PPP1R16B: variants seen among roughly 807,000 people sequenced by gnomAD.
PPP1R16B encodes the protein protein phosphatase 1 regulatory inhibitor subunit 16B.
Under a neutral mutation model 61.7 loss-of-function variants are expected in PPP1R16B, and 14 were observed. That is an observed-to-expected ratio of 0.23 (90% CI 0.15 to 0.35). PPP1R16B has a LOEUF of 0.35. PPP1R16B is among the 10% of genes least tolerant of loss of function. The pLI, the probability that PPP1R16B is intolerant of heterozygous loss-of-function variation, is 1.00. For synonymous variants in PPP1R16B, 266 were observed against 305.3 expected (o/e 0.87, Z 1.34); for missense variants, 547 against 752.5 (o/e 0.73, Z 3.19).
chr20:38,875,728 A>G (rs1319065458), intron 2 of PPP1R16B, among the ~76,000 whole-genome samples: 1 of 151,616 alleles, frequency 6.6e-6, no homozygotes, highest in Non-Finnish European at 1.5e-5. Context: ...TTCAGAGGGG[A>G]GAGGTGGCTG....
intron 10 of PPP1R16B, among the ~76,000 whole-genome samples, chr20:38,908,543 G>A (rs922975411): frequency 3.9e-5 from 6 of 152,238 alleles, no homozygotes; most frequent in Non-Finnish European, 8.8e-5. Context: ...GAGAGCTTCA[G>A]TAGGGCAGTC....
chr20:38,856,052 G>T (rs1482968840), intron 2 of PPP1R16B, among the ~76,000 whole-genome samples: 1 of 149,470 alleles, frequency 6.7e-6, no homozygotes, highest in Non-Finnish European at 1.5e-5. Flanking sequence ...GTTCCAAACT[G>T]ATGTTAAATT....
chr20:38,918,098 G>A lies in PPP1R16B; in HGVS notation c.1195-59G>A. On this transcript the variant is annotated intron_variant, in intron 10 of 10. Coordinates refer to ENST00000299824, the MANE Select transcript of PPP1R16B (RefSeq NM_015568.4). The surrounding 1 kb of genome is among the most constrained non-coding windows in gnomAD (Gnocchi z 5.3). ...CAATAATGCCCTCAGCAGAGAGACA[G>A]GTGGATAGTAGGTTCAGATCTTCCA... 6 of 1,586,286 alleles carry A rather than the reference G, an allele frequency of 3.8e-6. No individual in the cohort carries two copies. The South Asian group carries it at 6.8e-5, about 18-fold the overall frequency.
chr20:38,893,382 T>C (rs2085305871), intron 3 of PPP1R16B, among the ~76,000 whole-genome samples: 1 of 152,150 alleles, frequency 6.6e-6, no homozygotes, highest in Admixed American at 6.5e-5. Flanking sequence ...CAGGGAGCCC[T>C]CAGAGGTTTG....
At chr20:38,871,685 G>A (rs2085131102) in intron 2 of PPP1R16B, among the ~76,000 whole-genome samples, 1 of 148,020 alleles carries the variant, frequency 6.8e-6, no homozygotes, top group Non-Finnish European at 1.5e-5. Context: ...AAGGAGGGAG[G>A]GAGGGAAAGA....
intron 10 of PPP1R16B, among the ~76,000 whole-genome samples, chr20:38,914,277 C>A (rs2085514953): frequency 6.6e-6 from 1 of 151,862 alleles, no homozygotes; most frequent in Non-Finnish European, 1.5e-5. Context: ...ATTTGGGGGA[C>A]TGTGTTTGGG....
intron 1 of PPP1R16B, among the ~76,000 whole-genome samples, chr20:38,818,772 T>TC (rs1267082003): frequency 3.3e-5 from 5 of 151,150 alleles, no homozygotes; most frequent in African/African-American, 1.2e-4. Flanking sequence ...TTTTTTTTTT[T>TC]CCCCTTGAGA....
intron 1 of PPP1R16B, among the ~76,000 whole-genome samples, chr20:38,807,299 G>A (rs1392990580): frequency 6.6e-6 from 1 of 152,208 alleles, no homozygotes; most frequent in African/African-American, 2.4e-5. Flanking sequence ...TTGGCTTCTG[G>A]AGTCTCAACT....
chr20:38,853,304 C>T (rs2084981854), intron 2 of PPP1R16B, among the ~76,000 whole-genome samples: 1 of 152,202 alleles, frequency 6.6e-6, no homozygotes, highest in African/African-American at 2.4e-5. Context: ...AGAGCTGGTC[C>T]CACTGCCCTC....
chr20:38,871,863 T>G (rs911779843), intron 2 of PPP1R16B, among the ~76,000 whole-genome samples: 2 of 152,234 alleles, frequency 1.3e-5, no homozygotes, highest in African/African-American at 4.8e-5. Context: ...AAGCCACATA[T>G]GTAATTTTAA....
At chr20:38,821,067 ATT>A (rs2084770775) in intron 1 of PPP1R16B, among the ~76,000 whole-genome samples, 3 of 149,258 alleles carry the variant, frequency 2.0e-5, no homozygotes, top group Non-Finnish European at 4.4e-5. Flanking sequence ...AAATTTGGCC[ATT>A]CTGATAGATT....
At chr20:38,832,363 C>A (rs1301513294) in intron 1 of PPP1R16B, among the ~76,000 whole-genome samples, 1 of 152,110 alleles carries the variant, frequency 6.6e-6, no homozygotes, top group Admixed American at 6.5e-5. Flanking sequence ...TTTACTCACT[C>A]GAGGAAGTGG....
intron 2 of PPP1R16B, among the ~76,000 whole-genome samples, chr20:38,852,768 T>TTG (rs1601257219): frequency 2.7e-4 from 17 of 62,374 alleles, no homozygotes; most frequent in South Asian, 6.6e-4. Context: ...TTTTTTTTTT[T>TTG]GCGGGGGGTG....
chr20:38,862,591 T>A (rs748772328), intron 2 of PPP1R16B, among the ~76,000 whole-genome samples: 3 of 152,208 alleles, frequency 2.0e-5, no homozygotes, highest in Non-Finnish European at 4.4e-5. Flanking sequence ...GTCTGACCCT[T>A]TGTCCAGAAA....
chr20:38,841,672 A>C (rs1295119159), intron 2 of PPP1R16B, among the ~76,000 whole-genome samples: 2 of 152,214 alleles, frequency 1.3e-5, no homozygotes, highest in Non-Finnish European at 2.9e-5. Flanking sequence ...TTTACATGGA[A>C]TCATACAGTA....
chr20:38,867,543 T>C (rs543282330), intron 2 of PPP1R16B, among the ~76,000 whole-genome samples: 2 of 152,260 alleles, frequency 1.3e-5, no homozygotes, highest in African/African-American at 2.4e-5. Context: ...AAAAGGGTTG[T>C]ACCAGAGCTA....
chr20:38,895,004 G>C (rs2085323781), intron 3 of PPP1R16B, among the ~76,000 whole-genome samples: 1 of 152,188 alleles, frequency 6.6e-6, no homozygotes, highest in South Asian at 2.1e-4. Context: ...GGGAGTCTTG[G>C]TTACCTGAAG....
chr20:38,828,463 G>A (rs6129111), intron 1 of PPP1R16B, among the ~76,000 whole-genome samples: 98,711 of 152,090 alleles, frequency 0.65, 32,321 homozygotes, highest in African/African-American at 0.72. Flanking sequence ...GGCCACAGGT[G>A]GCAACATCCA....
At chr20:38,821,621 A>C (rs959392442) in intron 1 of PPP1R16B, among the ~76,000 whole-genome samples, 1 of 152,186 alleles carries the variant, frequency 6.6e-6, no homozygotes, top group Non-Finnish European at 1.5e-5. Context: ...TATTAGAACT[A>C]TCCCTAGTGA....
Sources: gnomAD v4.1 joint callset for allele counts (sites outside exome capture counted in the v4.1 genomes callset) on GRCh38, gnomAD v4.1.1 for gene constraint, Gnocchi (gnomAD v3.1) non-coding constraint, MANE v1.5 for transcripts, NCBI Gene and HGNC (gene_info 2026-07-23, HGNC 2026-07-21) for gene names.